The following SMAGP variants were observed in gnomAD, a reference collection of about 807,000 sequenced individuals.
The protein encoded by SMAGP is small cell adhesion glycoprotein.
Under a neutral mutation model 10.1 loss-of-function variants are expected in SMAGP, and 7 were observed. The ratio of observed to expected loss-of-function variants is 0.70; its 90% CI spans 0.40 to 1.31. The LOEUF (loss-of-function observed/expected upper bound fraction) is 1.31, where lower values mean the gene tolerates loss of function less well. Among genes scored for constraint, SMAGP ranks in the 50% most tolerant of loss-of-function variants. SMAGP has a pLI of 0.01. For missense variants in SMAGP, 113 were observed against 116.5 expected, an observed-to-expected ratio of 0.97 and a Z score of 0.14; for synonymous variants, 49 against 47.2, an observed-to-expected ratio of 1.04 and a Z score of -0.16.
chr12:51,245,780 G>A lies in SMAGP; in HGVS notation c.*161C>T. The A allele has an allele frequency of 1.4e-6, 1 of 705,844 alleles. No homozygotes were observed. The allele number at this position is 705,844 out of a possible 1,614,324, so 43.7% of individuals were successfully genotyped here. ...GCTTTCTCCATGTCCCTGGTCCCTG[G>A]AGTCAGTGATGTCGGCATTTGGGAC... On this transcript the variant is annotated 3_prime_UTR_variant, in exon 4 of 4. Coordinates refer to ENST00000603798, the MANE Select transcript of SMAGP (RefSeq NM_001031628.2).
At chr12:51,256,786 G>T (rs202237595) in intron 2 of SMAGP, among the ~76,000 whole-genome samples, 40 of 145,722 alleles carry the variant, frequency 2.7e-4, no homozygotes, top group Middle Eastern at 3.6e-3. Context: ...CCCAAAAAAA[G>T]ATATATATAT....
At chr12:51,255,645 A>G (rs76124942) in intron 2 of SMAGP, among the ~76,000 whole-genome samples, 23,447 of 152,162 alleles carry the variant, frequency 0.15, 3,381 homozygotes, top group African/African-American at 0.36. Flanking sequence ...TGAAACAGGG[A>G]TTGATTTGAA....
At chr12:51,247,911 T>C (rs1016067664) in intron 2 of SMAGP, among the ~76,000 whole-genome samples, 1 of 152,234 alleles carries the variant, frequency 6.6e-6, no homozygotes, top group Non-Finnish European at 1.5e-5. Context: ...CCGAGGGGCC[T>C]GATCTAGTCT....
intron 2 of SMAGP, among the ~76,000 whole-genome samples, chr12:51,254,840 C>T (rs1944871973): frequency 6.6e-6 from 1 of 152,102 alleles, no homozygotes; most frequent in Non-Finnish European, 1.5e-5. Flanking sequence ...ACCCCGGGGC[C>T]AGGCATGCTT....
chr12:51,246,608 G>C (rs1442307991), intron 3 of SMAGP, 143 bp downstream of exon 3: 3 of 439,046 alleles, frequency 6.8e-6, no homozygotes, highest in African/African-American at 4.4e-5. Flanking sequence ...TTATGGCTGT[G>C]TGTGTGTGTG....
Position 51,246,604 on chromosome 12 carries a change from C to CTGTGTGTGTGTGTGTG in SMAGP, c.115+131_115+146dup, listed in dbSNP as rs59561227. The CTGTGTGTGTGTGTGTG allele has an allele frequency of 9.1e-4, 307 of 338,200 alleles. 3 individuals carry two copies. Among genetic ancestry groups the CTGTGTGTGTGTGTGTG allele is most frequent in the African/African-American group, 6.1e-3 (264 of 43,054 alleles). 20.9% of individuals were successfully genotyped at this position (338,200 alleles called of 1,614,324 possible). On this transcript the variant is annotated intron_variant, in intron 3 of 3. Transcript: ENST00000603798. ...ACAGAAGCCTCCGAGTCTTTTATGG[C>CTGTGTGTGTGTGTGTG]TGTGTGTGTGTGTGTGTGTGTGTGT...
chr12:51,247,752 T>C (rs915107848), intron 2 of SMAGP, among the ~76,000 whole-genome samples: 6 of 152,066 alleles, frequency 3.9e-5, no homozygotes, highest in African/African-American at 1.4e-4. Flanking sequence ...ACAGCAACAC[T>C]CACCCACTGC....
At chr12:51,265,762 T>C (rs1264522443) in intron 2 of SMAGP, among the ~76,000 whole-genome samples, 1 of 152,050 alleles carries the variant, frequency 6.6e-6, no homozygotes, top group African/African-American at 2.4e-5. Context: ...GTTCTGGAGA[T>C]GGATGGTGGT....
chr12:51,265,585 A>G (rs1318221406), intron 2 of SMAGP, among the ~76,000 whole-genome samples: 1 of 152,256 alleles, frequency 6.6e-6, no homozygotes. Flanking sequence ...CTTTGAGAAT[A>G]TTATGCTAAG....
intron 2 of SMAGP, among the ~76,000 whole-genome samples, chr12:51,259,875 G>A (rs927870978): frequency 6.6e-6 from 1 of 151,992 alleles, no homozygotes; most frequent in African/African-American, 2.4e-5. Context: ...CACCATGCCT[G>A]GCTAATTTTT....
intron 2 of SMAGP, among the ~76,000 whole-genome samples, chr12:51,258,707 G>A (rs1353630468): frequency 1.3e-5 from 2 of 152,126 alleles, no homozygotes; most frequent in East Asian, 3.9e-4. Flanking sequence ...GTTAAGGGAT[G>A]AAGTGATGCC....
intron 2 of SMAGP, among the ~76,000 whole-genome samples, chr12:51,250,208 A>AC: frequency 6.8e-6 from 1 of 146,390 alleles, no homozygotes; most frequent in East Asian, 2.0e-4. Flanking sequence ...TGTCTACAAA[A>AC]AAAAAAAAAA....
At chr12:51,262,239 G>T (rs773168911) in intron 2 of SMAGP, among the ~76,000 whole-genome samples, 1 of 152,122 alleles carries the variant, frequency 6.6e-6, no homozygotes, top group Non-Finnish European at 1.5e-5. Flanking sequence ...CAGCAATTTG[G>T]GAGGCTGAGG....
rs547872477 is a variant in SMAGP, at chr12:51,254,703, G to C, written c.35-7872C>G. The stretch of plus-strand genomic sequence containing the variant: ...GAAGGTTGTCAGGGGAAGCTTTACT[G>C]ATGAGGTGACTTGAGTGAAGACCTA... On this transcript the variant is annotated intron_variant, in intron 2 of 3. Coordinates refer to ENST00000603798, the MANE Select transcript of SMAGP (RefSeq NM_001031628.2). Among the ~76,000 whole-genome samples the C allele has an allele frequency of 1.8e-3, 279 of 152,312 alleles. 2 individuals are homozygous for C. The highest frequency in any genetic ancestry group is 6.4e-3 in the African/African-American group (268 of 41,560).
At chr12:51,263,600 T>A (rs1944948015) in intron 2 of SMAGP, among the ~76,000 whole-genome samples, 1 of 152,114 alleles carries the variant, frequency 6.6e-6, no homozygotes, top group Non-Finnish European at 1.5e-5. Context: ...AAAAAATTAT[T>A]TTTAAAATAA....
chr12:51,257,207 G>A (rs1024355028), intron 2 of SMAGP, among the ~76,000 whole-genome samples: 1 of 152,184 alleles, frequency 6.6e-6, no homozygotes, highest in Non-Finnish European at 1.5e-5. Flanking sequence ...ACCCAGATGA[G>A]AGGCACAATT....
At chr12:51,257,326 G>A (rs948401193) in intron 2 of SMAGP, among the ~76,000 whole-genome samples, 26 of 152,186 alleles carry the variant, frequency 1.7e-4, no homozygotes, top group African/African-American at 6.3e-4. Flanking sequence ...AGGAAAAGCA[G>A]AGTATATGGG....
At chr12:51,251,508 T>A (rs967428728) in intron 2 of SMAGP, 5 of 150,636 alleles carry the variant, frequency 3.3e-5, no homozygotes, top group African/African-American at 7.3e-5. Context: ...AGAGGATCAC[T>A]GGAGCCCAGG....
chr12:51,253,195 T>A (rs964850432), intron 2 of SMAGP, among the ~76,000 whole-genome samples: 3 of 152,068 alleles, frequency 2.0e-5, no homozygotes, highest in African/African-American at 7.2e-5. Context: ...GCAAGCTGGG[T>A]CAGATAAGCT....
Sources: gnomAD v4.1 joint callset for allele counts (sites outside exome capture counted in the v4.1 genomes callset) on GRCh38, gnomAD v4.1.1 for gene constraint, MANE v1.5 for transcripts, NCBI Gene and HGNC (gene_info 2026-07-23, HGNC 2026-07-21) for gene names.